The following NRXN3 variants were observed in gnomAD, a reference collection of about 807,000 sequenced individuals.
The protein encoded by NRXN3 is neurexin 3, also known as neurexin III.
NRXN3 carries 32 observed loss-of-function variants against 137.6 expected under a neutral mutation model. The ratio of observed to expected loss-of-function variants is 0.23; its 90% CI spans 0.18 to 0.31. The LOEUF (loss-of-function observed/expected upper bound fraction) is 0.31. Ranked by LOEUF, NRXN3 falls within the 10% of genes least tolerant of loss-of-function variation. The probability of loss-of-function intolerance (pLI) is 1.00; values close to 1 mark genes in which losing one functional copy is unlikely to be tolerated. For missense variants in NRXN3, 1,574 were observed against 2,062.5 expected (o/e 0.76, Z 4.59); for synonymous variants, 798 against 784.5 (o/e 1.02, Z -0.29).
chr14:78,479,758 T>C (rs1012470058), intron 4 of NRXN3, among the ~76,000 whole-genome samples: 4 of 152,216 alleles, frequency 2.6e-5, no homozygotes, highest in African/African-American at 9.7e-5. Flanking sequence ...AAGGTTTTTG[T>C]AATTATTTTA....
At chr14:79,063,044 T>C (rs888124576) in intron 15 of NRXN3, among the ~76,000 whole-genome samples, 1 of 152,192 alleles carries the variant, frequency 6.6e-6, no homozygotes, top group African/African-American at 2.4e-5. Context: ...CTTTATATTT[T>C]GTGATAAACG....
chr14:79,275,394 TG>T (rs1206732068), intron 15 of NRXN3, among the ~76,000 whole-genome samples: 9 of 152,280 alleles, frequency 5.9e-5, no homozygotes, highest in Admixed American at 2.6e-4. Flanking sequence ...CTGGTCTGCC[TG>T]TTTCTGTGCA....
rs754249307 is a variant in NRXN3 at position 79,565,176 on chromosome 14, G to A, written c.3444+97774G>A. On this transcript the variant is annotated intron_variant, in intron 16 of 20. Transcript: ENST00000335750. ...GGTGTTGGTTGTGTAAGTGCTATAA[G>A]TATAAATGGATTGTAGCTAGTTTTA... 4.2e-4 allele frequency among the ~76,000 whole-genome samples: 61 copies of A among 145,508 alleles called. 1 individual carries two copies. The highest frequency in any genetic ancestry group is 1.1e-4 in the Non-Finnish European group (7 of 66,332).
Position 79,863,361 on chromosome 14 carries a change from T to C in NRXN3, c.*1397T>C, listed in dbSNP as rs1410660055. On this transcript the variant is annotated 3_prime_UTR_variant, in exon 21 of 21. Transcript: ENST00000335750. ...ACAGATATATTTATCATGGTATGTT[T>C]GATGGGATGACTGACACAGGAAATC... is the stretch of plus-strand genomic sequence containing the variant. 2 of 151,412 alleles carry C rather than the reference T, an allele frequency of 1.3e-5. No homozygotes were observed. The highest frequency in any genetic ancestry group is 4.8e-5 in the African/African-American group (2 of 41,256). 9.4% of individuals were successfully genotyped at this position (151,412 alleles called of 1,614,324 possible). A position where few individuals can be genotyped will look rare whatever the true frequency, so the allele number is the denominator to read the frequency against.
At chr14:79,114,867 CTCTT>C (rs2054131063) in intron 15 of NRXN3, among the ~76,000 whole-genome samples, 1 of 152,156 alleles carries the variant, frequency 6.6e-6, no homozygotes, top group African/African-American at 2.4e-5. Flanking sequence ...CTATACCTCT[CTCTT>C]GTCGACCTCA....
chr14:78,544,407 C>A (rs2096619415), intron 4 of NRXN3, among the ~76,000 whole-genome samples: 1 of 152,162 alleles, frequency 6.6e-6, no homozygotes, highest in Admixed American at 6.5e-5. Context: ...AAAAGTAGCA[C>A]CATGGACATC....
At chr14:78,346,077 C>T (rs1243010947) in intron 4 of NRXN3, among the ~76,000 whole-genome samples, 12 of 152,210 alleles carry the variant, frequency 7.9e-5, no homozygotes. Flanking sequence ...GCTGGCTCAG[C>T]AACAGGGATC....
chr14:78,409,715 T>C (rs1489627087), intron 4 of NRXN3, among the ~76,000 whole-genome samples: 2 of 152,158 alleles, frequency 1.3e-5, no homozygotes, highest in Non-Finnish European at 2.9e-5. Flanking sequence ...CACACACACA[T>C]AAGGAGCTTA....
intron 15 of NRXN3, among the ~76,000 whole-genome samples, chr14:79,005,764 T>C (rs1373417476): frequency 6.6e-6 from 1 of 151,702 alleles, no homozygotes; most frequent in Non-Finnish European, 1.5e-5. Context: ...TTTATACATG[T>C]TTACCTGTGT....
chr14:78,609,102 G>T (rs2097277549), intron 4 of NRXN3, among the ~76,000 whole-genome samples: 1 of 152,122 alleles, frequency 6.6e-6, no homozygotes, highest in Admixed American at 6.5e-5. Context: ...AGATCAGAAA[G>T]ACTTTGAATA....
chr14:79,301,937 G>T (rs2085212920), intron 15 of NRXN3, among the ~76,000 whole-genome samples: 1 of 151,912 alleles, frequency 6.6e-6, no homozygotes, highest in African/African-American at 2.4e-5. Flanking sequence ...AAATAAGTAG[G>T]TGAATAATAT....
At chr14:78,331,733 A>T (rs1261079422) in intron 4 of NRXN3, among the ~76,000 whole-genome samples, 6 of 152,214 alleles carry the variant, frequency 3.9e-5, no homozygotes, top group African/African-American at 1.4e-4. Flanking sequence ...CATCTGAAGG[A>T]CAATGACTGA....
At chr14:79,127,059 T>C (rs1230874849) in intron 15 of NRXN3, among the ~76,000 whole-genome samples, 1 of 152,150 alleles carries the variant, frequency 6.6e-6, no homozygotes, top group Non-Finnish European at 1.5e-5. Flanking sequence ...GAGTTCATTG[T>C]AGATTCTGGA....
intron 19 of NRXN3, among the ~76,000 whole-genome samples, chr14:79,730,511 C>T (rs2098918101): frequency 6.6e-6 from 1 of 152,168 alleles, no homozygotes; most frequent in African/African-American, 2.4e-5. Flanking sequence ...TATCCAGACA[C>T]ATTAGTGAAT....
At chr14:79,285,739 A>G (rs1043902424) in intron 15 of NRXN3, among the ~76,000 whole-genome samples, 2 of 152,088 alleles carry the variant, frequency 1.3e-5, no homozygotes, top group Non-Finnish European at 2.9e-5. Context: ...TCATCTCTTT[A>G]AAGGCCCTGT....
chr14:78,912,038 T>G (rs888810172), intron 10 of NRXN3, among the ~76,000 whole-genome samples: 49 of 151,964 alleles, frequency 3.2e-4, no homozygotes, highest in African/African-American at 8.7e-4. Flanking sequence ...TCATTTAGCA[T>G]TAGGTATATC....
intron 16 of NRXN3, among the ~76,000 whole-genome samples, chr14:79,583,388 T>A (rs1260701590): frequency 1.3e-5 from 2 of 152,210 alleles, no homozygotes; most frequent in African/African-American, 4.8e-5. Flanking sequence ...ACTTGCCCCC[T>A]TTTTGCAGAA....
intron 16 of NRXN3, among the ~76,000 whole-genome samples, chr14:79,586,855 C>T (rs962582603): frequency 1.3e-5 from 2 of 152,202 alleles, no homozygotes; most frequent in African/African-American, 4.8e-5. Flanking sequence ...ATTCATTCTT[C>T]TATTTTCTTT....
At chr14:78,617,320 C>T (rs1450370076) in intron 4 of NRXN3, among the ~76,000 whole-genome samples, 1 of 152,180 alleles carries the variant, frequency 6.6e-6, no homozygotes, top group African/African-American at 2.4e-5. Flanking sequence ...ACATCTCCAT[C>T]CCACGTGACC....
Sources: allele counts gnomAD v4.1 joint callset (sites outside exome capture counted in the v4.1 genomes callset), GRCh38; gene constraint gnomAD v4.1.1; transcripts MANE v1.5; gene names NCBI Gene and HGNC (gene_info 2026-07-23, HGNC 2026-07-21).